Variants in PDE1C observed in about 807,000 individuals in gnomAD.
PDE1C encodes the protein dual specificity calcium/calmodulin-dependent 3',5'-cyclic nucleotide phosphodiesterase 1C.
In PDE1C, 62 loss-of-function variants were observed where a neutral mutation model predicts 93.1. The observed-to-expected ratio is 0.67, with a 90% CI of 0.54 to 0.82. The LOEUF is 0.82. PDE1C is among the 40% of genes least tolerant of loss of function. The pLI is 0.00. For missense variants in PDE1C, 742 were observed against 884.6 expected, an observed-to-expected ratio of 0.84 and a Z score of 2.04; for synonymous variants, 325 against 310.1, an observed-to-expected ratio of 1.05 and a Z score of -0.50.
At chr7:31,847,869 C>T in intron 9 of PDE1C, 99 bp downstream of exon 9, 2 of 1,273,576 alleles carry the variant, frequency 1.6e-6, no homozygotes, top group Non-Finnish European at 2.3e-6. Context: ...CACGAATCAA[C>T]ATTTTAAGCA....
At chr7:31,918,870 C>T (rs1442790214) in intron 2 of PDE1C, among the ~76,000 whole-genome samples, 1 of 152,192 alleles carries the variant, frequency 6.6e-6, no homozygotes, top group Non-Finnish European at 1.5e-5. Context: ...GATACCACTC[C>T]ACTCCAAGCT....
intron 17 of PDE1C, among the ~76,000 whole-genome samples, chr7:31,764,823 A>G (rs1296225669): frequency 2.6e-5 from 4 of 152,330 alleles, no homozygotes; most frequent in South Asian, 4.1e-4. Flanking sequence ...GAAATATTTA[A>G]TGAGTGAATA....
At chr7:32,206,339 C>T (rs993055207) in intron 2 of PDE1C, among the ~76,000 whole-genome samples, 1 of 152,100 alleles carries the variant, frequency 6.6e-6, no homozygotes, top group Admixed American at 6.5e-5. Flanking sequence ...TTCTCTAGGT[C>T]AGGTGCAGTC....
chr7:31,709,848 G>C, the PDE1C span, among the ~76,000 whole-genome samples: 1 of 152,130 alleles, frequency 6.6e-6, no homozygotes, highest in African/African-American at 2.4e-5. Context: ...ATGAATAATA[G>C]TTATATTAAG....
intron 1 of PDE1C, among the ~76,000 whole-genome samples, chr7:32,333,227 T>C (rs972630101): frequency 1.3e-5 from 2 of 152,192 alleles, no homozygotes; most frequent in African/African-American, 4.8e-5. Context: ...CATTTACAAA[T>C]ACTAATTTTC....
chr7:31,959,853 G>A (rs535813839), intron 2 of PDE1C, among the ~76,000 whole-genome samples: 9 of 151,846 alleles, frequency 5.9e-5, no homozygotes, highest in African/African-American at 2.2e-4. Flanking sequence ...TAGAAACAAT[G>A]TAATTTTCGA....
intron 1 of PDE1C, among the ~76,000 whole-genome samples, chr7:32,219,359 T>G (rs1806667668): frequency 6.6e-6 from 1 of 152,182 alleles, no homozygotes; most frequent in Non-Finnish European, 1.5e-5. Context: ...TTCCCTTTCA[T>G]AGCAAGAAAA....
chr7:32,039,316 T>G (rs1412401825), intron 2 of PDE1C, among the ~76,000 whole-genome samples: 1 of 152,168 alleles, frequency 6.6e-6, no homozygotes, highest in Non-Finnish European at 1.5e-5. Flanking sequence ...TTATCAAAGA[T>G]GTAGGATTAT....
intron 8 of PDE1C, 146 bp from the exon 9 acceptor site, chr7:31,848,242 A>G (rs1233284697): frequency 5.8e-6 from 4 of 690,876 alleles, no homozygotes; most frequent in Non-Finnish European, 9.8e-6. Context: ...CAAAAGCTCA[A>G]CTAACACTAC....
chr7:32,143,136 C>T (rs1440681128), intron 3 of PDE1C, among the ~76,000 whole-genome samples: 1 of 151,866 alleles, frequency 6.6e-6, no homozygotes, highest in Non-Finnish European at 1.5e-5. Context: ...TTTGCTTTAG[C>T]TGGGACACTA....
chr7:31,656,102 C>A, the PDE1C span: 1 of 869,806 alleles, frequency 1.1e-6, no homozygotes, highest in Non-Finnish European at 1.4e-6. Flanking sequence ...AGAAGTGATC[C>A]TTATTTTTTG....
chr7:32,262,730 A>AG (rs1810299384), intron 1 of PDE1C, among the ~76,000 whole-genome samples: 1 of 152,186 alleles, frequency 6.6e-6, no homozygotes, highest in Admixed American at 6.5e-5. Context: ...AGCTTTGGGA[A>AG]GGGGGAGCCC....
the PDE1C span, chr7:31,650,997 T>C: frequency 1.3e-6 from 1 of 774,980 alleles, no homozygotes; most frequent in South Asian, 2.2e-5. Flanking sequence ...AATATTGGGC[T>C]CTTCCTATTC....
chr7:31,884,757 TCTTTGGGCAAAAGAGTTTCA>T (rs1797676566), intron 2 of PDE1C, among the ~76,000 whole-genome samples: 1 of 152,204 alleles, frequency 6.6e-6, no homozygotes. Context: ...AAATGGCTAT[TCTTTGGGCAAAAGAGTTTCA>T]AATTAGCTCT....
chr7:32,125,725 G>C (rs148957631), intron 3 of PDE1C, among the ~76,000 whole-genome samples: 1,758 of 152,062 alleles, frequency 0.012, 19 homozygotes, highest in Non-Finnish European at 0.018. Flanking sequence ...TTGGGGGTTG[G>C]GGGGCGAGGG....
chr7:31,668,453 C>T, the PDE1C span, among the ~76,000 whole-genome samples: 1 of 151,504 alleles, frequency 6.6e-6, no homozygotes, highest in African/African-American at 2.4e-5. Flanking sequence ...AATGGATAAA[C>T]AAGATGCAGT....
chr7:32,194,639 A>G (rs1375100365), intron 2 of PDE1C, among the ~76,000 whole-genome samples: 1 of 152,182 alleles, frequency 6.6e-6, no homozygotes, highest in African/African-American at 2.4e-5. Context: ...TAATGTTTGC[A>G]TGAGCTGTCA....
chr7:31,673,744 G>A, the PDE1C span, among the ~76,000 whole-genome samples: 110 of 150,776 alleles, frequency 7.3e-4, no homozygotes, highest in Admixed American at 2.5e-3. Context: ...TTGATATTCA[G>A]TTGTCTCAAC....
At chr7:32,105,547 G>A (rs577858723) in intron 3 of PDE1C, among the ~76,000 whole-genome samples, 51 of 152,228 alleles carry the variant, frequency 3.4e-4, no homozygotes, top group African/African-American at 1.1e-3. Context: ...TCTCTGGAGG[G>A]AGAAGGACAT....
Sources: gnomAD v4.1 joint callset for allele counts (sites outside exome capture counted in the v4.1 genomes callset) on GRCh38, gnomAD v4.1.1 for gene constraint, MANE v1.5 for transcripts, NCBI Gene and HGNC (gene_info 2026-07-23, HGNC 2026-07-21) for gene names.